Variants in SYN3 observed in about 807,000 individuals in gnomAD.
The protein encoded by SYN3 is synapsin III, also known as synapsin-3.
A neutral mutation model predicts 65.8 loss-of-function variants in SYN3; 35 were observed. That is an observed-to-expected ratio of 0.53 (90% CI 0.41 to 0.70). The LOEUF (loss-of-function observed/expected upper bound fraction) is 0.70. SYN3 is among the 30% of genes least tolerant of loss of function. SYN3 has a pLI of 0.00. For synonymous variants in SYN3, 270 were observed against 292.9 expected (o/e 0.92, Z 0.80); for missense variants, 680 against 749.0 (o/e 0.91, Z 1.08).
intron 6 of SYN3, among the ~76,000 whole-genome samples, chr22:32,768,367 C>T (rs2045680788): frequency 6.6e-6 from 1 of 152,142 alleles, no homozygotes; most frequent in African/African-American, 2.4e-5. Flanking sequence ...GATGGCTTTC[C>T]TCTTTTTACC....
chr22:32,580,762 G>A lies in SYN3; in HGVS notation c.774+15912C>T, dbSNP rs188270627. ...GTCTGTGGTTGCTTTCCCACTACAA[G>A]AGCTGACTGAGTAGCTTCAGCAGAG... On this transcript the variant is annotated intron_variant, in intron 7 of 13. Transcript: ENST00000358763. Among the ~76,000 whole-genome samples, 746 of 152,318 alleles carry A rather than the reference G, an allele frequency of 4.9e-3. 4 individuals are homozygous for A. Among genetic ancestry groups the A allele is most frequent in the African/African-American group, 0.016 (675 of 41,564 alleles).
At chr22:32,879,747 C>T (rs182497697) in intron 4 of SYN3, among the ~76,000 whole-genome samples, 10 of 152,252 alleles carry the variant, frequency 6.6e-5, no homozygotes, top group East Asian at 3.9e-4. Context: ...AGTACCTAGC[C>T]GGTGTTAAGC....
chr22:32,949,713 T>C (rs950254312), intron 3 of SYN3, among the ~76,000 whole-genome samples: 1 of 152,180 alleles, frequency 6.6e-6, no homozygotes, highest in African/African-American at 2.4e-5. Context: ...TTACTAATAA[T>C]TGCATTTGCG....
intron 4 of SYN3, among the ~76,000 whole-genome samples, chr22:32,903,833 T>C (rs1287705691): frequency 6.6e-6 from 1 of 152,188 alleles, no homozygotes; most frequent in Non-Finnish European, 1.5e-5. Context: ...GTGAACCAAA[T>C]GCCAGCTAGC....
At position 32,893,292 on chromosome 22, in the gene SYN3, G is replaced by A. The variant is rs192361644; in HGVS notation, c.462-24167C>T. ...GATTAATTGGATACCTGGCACTGCC[G>A]TAGGCACTGGGCTGTGGAGATGCAT... On this transcript the variant is annotated intron_variant, in intron 4 of 13. Transcript: ENST00000358763. 1.1e-4 allele frequency among the ~76,000 whole-genome samples: 17 copies of A among 152,298 alleles called. 1 individual carries two copies. The highest frequency in any genetic ancestry group is 3.4e-3 in the Middle Eastern group (1 of 294).
At chr22:32,534,156 C>T (rs7291344) in intron 9 of SYN3, among the ~76,000 whole-genome samples, 3 of 151,772 alleles carry the variant, frequency 2.0e-5, no homozygotes, top group Non-Finnish European at 2.9e-5. Context: ...AGAAAGAACA[C>T]GAGAGAGCCA....
At chr22:32,726,923 C>T (rs1424442174) in intron 6 of SYN3, among the ~76,000 whole-genome samples, 1 of 151,996 alleles carries the variant, frequency 6.6e-6, no homozygotes, top group Non-Finnish European at 1.5e-5. Flanking sequence ...ATTTGCAGTC[C>T]CTTCCCTGTC....
chr22:32,604,986 A>G (rs933215616), intron 6 of SYN3, among the ~76,000 whole-genome samples: 2 of 143,560 alleles, frequency 1.4e-5, no homozygotes, highest in Non-Finnish European at 3.0e-5. Context: ...AGCCTGGGCG[A>G]TAGAGCGAGA....
chr22:32,855,169 A>G (rs2048330032), intron 6 of SYN3, among the ~76,000 whole-genome samples: 1 of 152,230 alleles, frequency 6.6e-6, no homozygotes, highest in Non-Finnish European at 1.5e-5. Flanking sequence ...AGGGGATAAC[A>G]GAATTGTGCA....
At chr22:32,645,847 C>T (rs2059975790) in intron 6 of SYN3, among the ~76,000 whole-genome samples, 1 of 146,980 alleles carries the variant, frequency 6.8e-6, no homozygotes, top group Non-Finnish European at 1.5e-5. Context: ...CAAGAATTCC[C>T]TGTCTGGGGG....
At chr22:32,741,931 T>C (rs2147397112) in intron 6 of SYN3, among the ~76,000 whole-genome samples, 1 of 152,244 alleles carries the variant, frequency 6.6e-6, no homozygotes, top group East Asian at 1.9e-4. Context: ...GACCCAAGTA[T>C]TTACCTTTCT....
chr22:32,569,624 T>C (rs897847231), intron 7 of SYN3, among the ~76,000 whole-genome samples: 2 of 151,438 alleles, frequency 1.3e-5, no homozygotes, highest in Non-Finnish European at 2.9e-5. Context: ...ATGGTTATTA[T>C]TGCATGCATA....
At chr22:33,043,245 C>T (rs538072776) in intron 1 of SYN3, among the ~76,000 whole-genome samples, 2 of 152,272 alleles carry the variant, frequency 1.3e-5, no homozygotes, top group Admixed American at 1.3e-4. Context: ...GTGCGGCATA[C>T]TGTTTAAAAG....
At chr22:32,539,916 T>C (rs1353355853) in intron 8 of SYN3, among the ~76,000 whole-genome samples, 1 of 152,022 alleles carries the variant, frequency 6.6e-6, no homozygotes, top group African/African-American at 2.4e-5. Context: ...GGGCCATAAC[T>C]CAGAGGGGGC....
At chr22:32,814,613 A>T (rs2047039126) in intron 6 of SYN3, among the ~76,000 whole-genome samples, 1 of 152,238 alleles carries the variant, frequency 6.6e-6, no homozygotes, top group Admixed American at 6.5e-5. Flanking sequence ...TTATTTATTC[A>T]GGGCTCCTTT....
chr22:32,655,589 A>G (rs899940455), intron 6 of SYN3, among the ~76,000 whole-genome samples: 1 of 152,152 alleles, frequency 6.6e-6, no homozygotes, highest in Non-Finnish European at 1.5e-5. Flanking sequence ...AGATTCTCAT[A>G]GGAGCGTGGA....
At chr22:32,845,228 C>T (rs2048026438) in intron 6 of SYN3, among the ~76,000 whole-genome samples, 1 of 151,886 alleles carries the variant, frequency 6.6e-6, no homozygotes, top group Admixed American at 6.6e-5. Context: ...GATGGAATCT[C>T]GCTCTGTTTC....
chr22:32,952,297 G>T (rs753872614), intron 3 of SYN3, among the ~76,000 whole-genome samples: 26 of 151,154 alleles, frequency 1.7e-4, no homozygotes, highest in Non-Finnish European at 2.9e-4. Context: ...TGTGTGTGGG[G>T]GGGTGTGTGT....
At chr22:32,997,615 G>T (rs1223632035) in intron 2 of SYN3, among the ~76,000 whole-genome samples, 1 of 152,100 alleles carries the variant, frequency 6.6e-6, no homozygotes, top group Non-Finnish European at 1.5e-5. Flanking sequence ...CTCTGGATGG[G>T]GGAACAAAAA....
Sources: allele counts gnomAD v4.1 joint callset (sites outside exome capture counted in the v4.1 genomes callset), GRCh38; gene constraint gnomAD v4.1.1; transcripts MANE v1.5; gene names NCBI Gene and HGNC (gene_info 2026-07-23, HGNC 2026-07-21).